AKT3: variants seen among roughly 807,000 people sequenced by gnomAD.
AKT3 encodes RAC-gamma serine/threonine-protein kinase.
A neutral mutation model predicts 65.3 loss-of-function variants in AKT3; 15 were observed. That is an observed-to-expected ratio of 0.23 (90% CI 0.15 to 0.35). The LOEUF is 0.35. AKT3 is among the 10% of genes least tolerant of loss of function. AKT3 has a pLI of 1.00. For synonymous variants in AKT3, 206 were observed against 183.8 expected (o/e 1.12, Z -0.98); for missense variants, 243 against 576.5 (o/e 0.42, Z 5.92).
At chr1:243,749,928 A>AC (rs1241065788) in intron 2 of AKT3, among the ~76,000 whole-genome samples, 2 of 152,178 alleles carry the variant, frequency 1.3e-5, no homozygotes, top group Non-Finnish European at 2.9e-5. Context: ...TTGAATCCTG[A>AC]AATAATGCTG....
chr1:243,561,242 A>G lies in AKT3; in HGVS notation c.948+2478T>C, dbSNP rs573083614. ...AGTATTAGAATAATAGACCAGCATG[A>G]GTTACTTTATGTTTAAGGAATGCTA... On this transcript the variant is annotated intron_variant, in intron 10 of 13. Coordinates refer to ENST00000673466, the MANE Select transcript of AKT3 (RefSeq NM_005465.7). Among the ~76,000 whole-genome samples, 13 of 152,228 alleles carry G rather than the reference A, an allele frequency of 8.5e-5. No homozygotes were observed. In the East Asian group the frequency reaches 2.5e-3, roughly 29 times the overall value.
chr1:243,715,951 A>G (rs976516992), intron 2 of AKT3, among the ~76,000 whole-genome samples: 1 of 152,126 alleles, frequency 6.6e-6, no homozygotes, highest in African/African-American at 2.4e-5. Context: ...TGTCCAGGAA[A>G]GGTGTTGTTA....
At chr1:243,721,944 T>G (rs1004572908) in intron 2 of AKT3, among the ~76,000 whole-genome samples, 3 of 152,134 alleles carry the variant, frequency 2.0e-5, no homozygotes, top group African/African-American at 7.2e-5. Flanking sequence ...TTAAGTAACA[T>G]AGACGTTATA....
intron 2 of AKT3, chr1:243,814,794 C>A (rs1035329934): frequency 6.6e-6 from 1 of 152,160 alleles, no homozygotes; most frequent in Non-Finnish European, 1.5e-5. Context: ...CTCACAGTTT[C>A]TGTTGGGTCA....
chr1:243,566,618 A>G (rs565723897), intron 9 of AKT3, among the ~76,000 whole-genome samples: 10 of 152,328 alleles, frequency 6.6e-5, no homozygotes, highest in African/African-American at 2.4e-4. Flanking sequence ...CAGAGGGTTC[A>G]TATTAAAATT....
At chr1:243,756,793 A>G (rs1489115045) in intron 2 of AKT3, among the ~76,000 whole-genome samples, 1 of 152,242 alleles carries the variant, frequency 6.6e-6, no homozygotes, top group African/African-American at 2.4e-5. Context: ...AAAGGACAAA[A>G]GAGTACCTCT....
At chr1:243,589,123 T>C (rs1012793501) in intron 8 of AKT3, among the ~76,000 whole-genome samples, 6 of 151,750 alleles carry the variant, frequency 4.0e-5, no homozygotes, top group African/African-American at 1.2e-4. Flanking sequence ...CTGACCAACA[T>C]GGTGAAACCC....
At chr1:243,648,936 TTC>T (rs1241345724) in intron 4 of AKT3, among the ~76,000 whole-genome samples, 1 of 152,056 alleles carries the variant, frequency 6.6e-6, no homozygotes, top group Non-Finnish European at 1.5e-5. Flanking sequence ...TTGCTGTTGT[TTC>T]TGTTTTCTTT....
chr1:243,830,694 G>A (rs1278158881), intron 2 of AKT3, among the ~76,000 whole-genome samples: 4 of 152,140 alleles, frequency 2.6e-5, no homozygotes, highest in Non-Finnish European at 5.9e-5. Context: ...GGCTTAGAAA[G>A]TTAGGTTTCA....
chr1:243,544,698 G>GTT (rs149837431), intron 12 of AKT3, among the ~76,000 whole-genome samples: 23 of 94,056 alleles, frequency 2.4e-4, no homozygotes, highest in Admixed American at 1.2e-3. Flanking sequence ...GTGGTTTTTT[G>GTT]TTTTTTGTTT....
intron 2 of AKT3, among the ~76,000 whole-genome samples, chr1:243,785,211 G>A (rs1303289401): frequency 1.3e-5 from 2 of 151,920 alleles, no homozygotes; most frequent in African/African-American, 4.8e-5. Context: ...TGGGACTACA[G>A]GCGCCAGCCA....
chr1:243,707,170 G>A lies in AKT3; in HGVS notation c.47-11454C>T, dbSNP rs186222818. ...GTAAGGCTAAGGAAACCAATCAAAG[G>A]AGATTTAGTGAGTACCTAATATGTA... On this transcript the variant is annotated intron_variant, in intron 2 of 13. Coordinates refer to ENST00000673466, the MANE Select transcript of AKT3 (RefSeq NM_005465.7). Among the ~76,000 whole-genome samples, 91 of 152,278 alleles carry A rather than the reference G, an allele frequency of 6.0e-4. 1 individual carries two copies. Among genetic ancestry groups the A allele is most frequent in the Admixed American group, 1.8e-3 (27 of 15,294 alleles).
intron 2 of AKT3, among the ~76,000 whole-genome samples, chr1:243,810,034 C>CAT (rs1558833142): frequency 1.4e-4 from 21 of 152,106 alleles, no homozygotes; most frequent in African/African-American, 5.1e-4. Flanking sequence ...TTCAAAGCAG[C>CAT]GTGTAGAGGG....
chr1:243,791,638 A>T (rs1691638973), intron 2 of AKT3, among the ~76,000 whole-genome samples: 1 of 152,218 alleles, frequency 6.6e-6, no homozygotes, highest in South Asian at 2.1e-4. Flanking sequence ...ACGAAGGATA[A>T]ATGGTGAAGA....
chr1:243,752,304 T>G (rs1688857982), intron 2 of AKT3, among the ~76,000 whole-genome samples: 3 of 152,204 alleles, frequency 2.0e-5, no homozygotes, highest in African/African-American at 7.2e-5. Flanking sequence ...AAATGTTGAA[T>G]TAATTATAGT....
chr1:243,498,074 A>G (rs1668480462), downstream of AKT3, among the ~76,000 whole-genome samples: 1 of 152,186 alleles, frequency 6.6e-6, no homozygotes, highest in African/African-American at 2.4e-5. Flanking sequence ...CCACTGTGTC[A>G]AGAGCGAGGC....
chr1:243,576,580 A>G (rs140530964), intron 8 of AKT3, among the ~76,000 whole-genome samples: 2,102 of 152,278 alleles, frequency 0.014, 29 homozygotes, highest in Admixed American at 0.043. Context: ...GCATTCCTAT[A>G]CAACAACAAC....
intron 13 of AKT3, among the ~76,000 whole-genome samples, chr1:243,510,329 C>G (rs969983178): frequency 6.6e-6 from 1 of 152,184 alleles, no homozygotes; most frequent in Non-Finnish European, 1.5e-5. Flanking sequence ...GGAGCTTGGG[C>G]TAATAACGAA....
In AKT3 at chr1:243,500,681, G is replaced by A. The variant is rs1177171041; in HGVS notation, c.*4568C>T. 4.4e-6 allele frequency: 1 copy of A among 229,602 alleles called. No individual in the cohort carries two copies. Among genetic ancestry groups the A allele is most frequent in the African/African-American group, 2.2e-5 (1 of 45,108 alleles). The allele number at this position is 229,602 out of a possible 1,614,324, so 14.2% of individuals were successfully genotyped here. A position where few individuals can be genotyped will look rare whatever the true frequency, so the allele number is the denominator to read the frequency against. Reference sequence around the variant, plus strand: ...CCTTCGGCTGCCCTGCCTGGCCAGCGAGCCATCATCCTCATCACCATCTCA... The same window carrying A: ...CCTTCGGCTGCCCTGCCTGGCCAGCAAGCCATCATCCTCATCACCATCTCA... On this transcript the variant is annotated 3_prime_UTR_variant, in exon 14 of 14. Coordinates refer to ENST00000673466, the MANE Select transcript of AKT3 (RefSeq NM_005465.7).
Sources: allele counts gnomAD v4.1 joint callset (sites outside exome capture counted in the v4.1 genomes callset), GRCh38; gene constraint gnomAD v4.1.1; transcripts MANE v1.5; gene names NCBI Gene and HGNC (gene_info 2026-07-23, HGNC 2026-07-21).